The following CSAD variants were observed in gnomAD, a reference collection of about 807,000 sequenced individuals.
CSAD encodes the protein cysteine sulfinic acid decarboxylase, also known as P-selectin cytoplasmic tail-associated protein.
Under a neutral mutation model 61.5 loss-of-function variants are expected in CSAD, and 47 were observed. The ratio of observed to expected loss-of-function variants is 0.76; its 90% CI spans 0.60 to 0.97. CSAD has a LOEUF of 0.97. CSAD is among the 50% of genes least tolerant of loss of function. CSAD has a pLI of 0.00. For synonymous variants in CSAD, 245 were observed against 252.7 expected, an observed-to-expected ratio of 0.97 and a Z score of 0.29; for missense variants, 611 against 643.6, an observed-to-expected ratio of 0.95 and a Z score of 0.55.
In CSAD at chr12:53,164,933, A is replaced by G. The variant is rs574060050; in HGVS notation, c.703-3544T>C. ...AAATAAATTGCTAATAAGCACATGA[A>G]AAGATGCTCAACCATCACTAATCAT... On this transcript the variant is annotated intron_variant, in intron 10 of 16. Coordinates refer to ENST00000444623, the MANE Select transcript of CSAD (RefSeq NM_001244705.2). Among the ~76,000 whole-genome samples, 8 of 152,358 alleles carry G rather than the reference A, an allele frequency of 5.3e-5. No individual in the cohort carries two copies. In the South Asian group the frequency reaches 1.7e-3, roughly 32 times the overall value.
Position 53,177,121 on chromosome 12 carries a change from G to T in CSAD, c.-50+1981C>A, listed in dbSNP as rs184542407. ...CTTATATTTTATTTATATAATTTTT[G>T]TTTGTTAATCTGACATCTGGTCATG... On this transcript the variant is annotated intron_variant, in intron 2 of 16. Transcript: ENST00000444623. Among the ~76,000 whole-genome samples, 961 of 152,186 alleles carry T rather than the reference G, an allele frequency of 6.3e-3. 3 individuals carry two copies. Among genetic ancestry groups the T allele is most frequent in the Admixed American group, 0.011 (167 of 15,290 alleles).
intron 3 of CSAD, 105 bp from the exon 4 acceptor site, chr12:53,173,581 C>T: frequency 6.3e-7 from 1 of 1,593,040 alleles, no homozygotes; most frequent in Non-Finnish European, 8.6e-7. Flanking sequence ...AACCCTGCAG[C>T]TCAGTCTCGG....
rs949890223 is a variant in CSAD, at chr12:53,157,764, GTTTT to G, written c.*743_*746del. 1 of 151,802 alleles carries G rather than the reference GTTTT, an allele frequency of 6.6e-6. No homozygotes were observed. Among genetic ancestry groups the G allele is most frequent in the Non-Finnish European group, 1.5e-5 (1 of 67,932 alleles). 9.4% of individuals were successfully genotyped at this position (151,802 alleles called of 1,614,324 possible). On this transcript the variant is annotated 3_prime_UTR_variant, in exon 17 of 17. Transcript: ENST00000444623. Reference sequence around the variant, plus strand: ...GCTCAAAAGATATAAAGAAGTCTATGTTTTTTTTGTTTGTTTGTTTTTTTAAAGG... The same window carrying G: ...GCTCAAAAGATATAAAGAAGTCTATGTTTTGTTTGTTTGTTTTTTTAAAGG...
chr12:53,169,499 T>C (rs911031215), intron 10 of CSAD, among the ~76,000 whole-genome samples: 3 of 150,934 alleles, frequency 2.0e-5, no homozygotes, highest in African/African-American at 7.3e-5. Context: ...AAAAAAATTT[T>C]TACATTTATA....
chr12:53,180,949 G>T, upstream of CSAD: 1 of 884,260 alleles, frequency 1.1e-6, no homozygotes, highest in Non-Finnish European at 1.4e-6. Flanking sequence ...GAGGAGGGGC[G>T]CGTGGCGAAG....
chr12:53,161,594 A>G (rs1431197395), intron 10 of CSAD, among the ~76,000 whole-genome samples: 1 of 151,816 alleles, frequency 6.6e-6, no homozygotes, highest in African/African-American at 2.4e-5. Context: ...TGGACTTCGA[A>G]CCTAGGTTTT....
chr12:53,180,636 A>T, intron 1 of CSAD, 96 bp downstream of exon 1: 1 of 1,283,464 alleles, frequency 7.8e-7, no homozygotes, highest in African/African-American at 1.5e-5. Context: ...CTAGCTGCCG[A>T]GCCCGGAAGT....
At chr12:53,170,927 C>T in intron 8 of CSAD, 1 of 386,234 alleles carries the variant, frequency 2.6e-6, no homozygotes, top group Non-Finnish European at 4.9e-6. Flanking sequence ...CACTATGTTT[C>T]CCAGGGTGGT....
Position 53,158,332 on chromosome 12 carries a change from C to T in CSAD, c.*179G>A, listed in dbSNP as rs554032645. On this transcript the variant is annotated 3_prime_UTR_variant, in exon 17 of 17. Coordinates refer to ENST00000444623, the MANE Select transcript of CSAD (RefSeq NM_001244705.2). ...TGTATTTTTAGTAGAGACAGGGTTTCACCTTATTGGCCAGGCTGGTCTCGA... is the reference window on the plus strand; with the variant it reads ...TGTATTTTTAGTAGAGACAGGGTTTTACCTTATTGGCCAGGCTGGTCTCGA... 465 of 516,360 alleles carry T rather than the reference C, an allele frequency of 9.0e-4. 1 individual carries two copies. Among genetic ancestry groups the T allele is most frequent in the Admixed American group, 9.9e-4 (28 of 28,246 alleles). The allele number at this position is 516,360 out of a possible 1,614,324, so 32.0% of individuals were successfully genotyped here.
intron 10 of CSAD, among the ~76,000 whole-genome samples, chr12:53,166,789 CTGTCTCAGAAAA>C (rs1939991241): frequency 1.3e-5 from 2 of 152,006 alleles, no homozygotes; most frequent in African/African-American, 4.8e-5. Context: ...GAGTGATACT[CTGTCTCAGAAAA>C]ACAAAACAAA....
rs137970240 is a variant in CSAD, at chr12:53,175,605, G to A, written c.-49-1835C>T. ...CATTAAGTAAACTAATAGAAAACAG[G>A]GACCCCTCAAATGTTAGTTTCCATC... is the stretch of plus-strand genomic sequence containing the variant. On this transcript the variant is annotated intron_variant, in intron 2 of 16. Transcript: ENST00000444623. 3.2e-3 allele frequency among the ~76,000 whole-genome samples: 483 copies of A among 152,150 alleles called. 1 individual carries two copies. Among genetic ancestry groups the A allele is most frequent in the African/African-American group, 0.011 (454 of 41,498 alleles).
At chr12:53,171,201 C>A (rs1016740954) in intron 8 of CSAD, 125 bp downstream of exon 8, 19 of 1,448,086 alleles carry the variant, frequency 1.3e-5, no homozygotes, top group Non-Finnish European at 1.8e-5. Flanking sequence ...GGAAGCACAT[C>A]CGCCTGGGGG....
At chr12:53,181,022 C>T (rs929033362), upstream of CSAD, 25 of 838,580 alleles carry the variant, frequency 3.0e-5, no homozygotes, top group East Asian at 1.3e-4. Context: ...CCTGCCCGCG[C>T]GTCCCGCCGC....
intron 2 of CSAD, among the ~76,000 whole-genome samples, chr12:53,178,667 G>A (rs375926366): frequency 2.0e-5 from 3 of 151,964 alleles, no homozygotes; most frequent in East Asian, 1.9e-4. Flanking sequence ...GGCAGCAGGC[G>A]CCAGCTACTC....
intron 16 of CSAD, among the ~76,000 whole-genome samples, chr12:53,159,296 C>A (rs1938954888): frequency 6.6e-6 from 1 of 152,202 alleles, no homozygotes; most frequent in Non-Finnish European, 1.5e-5. Flanking sequence ...TGCTGTGTCC[C>A]TAGCACGGGT....
At chr12:53,159,566 AG>A (rs1407469914) in intron 16 of CSAD, 56 bp downstream of exon 16, 2 of 1,451,812 alleles carry the variant, frequency 1.4e-6, no homozygotes, top group Admixed American at 3.8e-5. Context: ...AGGGGGCAGA[AG>A]CGCATCAGTT....
chr12:53,178,309 C>T (rs927592391), intron 2 of CSAD: 11 of 450,354 alleles, frequency 2.4e-5, no homozygotes, highest in Non-Finnish European at 4.4e-5. Flanking sequence ...CCTGTCTCTA[C>T]AAAAAACAAA....
At chr12:53,169,888 T>A (rs1252349851) in intron 10 of CSAD, among the ~76,000 whole-genome samples, 184 bp downstream of exon 10, 1 of 152,148 alleles carries the variant, frequency 6.6e-6, no homozygotes, top group African/African-American at 2.4e-5. Context: ...GGCGTAGGTG[T>A]CTGGGCAGAG....
At chr12:53,179,902 C>T (rs1429064090) in intron 1 of CSAD, 2 of 1,608,796 alleles carry the variant, frequency 1.2e-6, no homozygotes, top group African/African-American at 2.7e-5. Context: ...AGTCTGGTTT[C>T]CATTTTCCTA....
Sources: gnomAD v4.1 joint callset for allele counts (sites outside exome capture counted in the v4.1 genomes callset) on GRCh38, gnomAD v4.1.1 for gene constraint, MANE v1.5 for transcripts, NCBI Gene and HGNC (gene_info 2026-07-23, HGNC 2026-07-21) for gene names.